Variants in SLC18B1 observed in about 807,000 individuals in gnomAD.
The protein encoded by SLC18B1 is solute carrier family 18 member B1.
SLC18B1 carries 62 observed loss-of-function variants against 53.9 expected under a neutral mutation model. That is an observed-to-expected ratio of 1.15 (90% CI 0.94 to 1.42). The LOEUF (loss-of-function observed/expected upper bound fraction) is 1.42. Among genes scored for constraint, SLC18B1 ranks in the 40% most tolerant of loss-of-function variants. The pLI, the probability that SLC18B1 is intolerant of heterozygous loss-of-function variation, is 0.00. For synonymous variants in SLC18B1, 217 were observed against 200.9 expected (o/e 1.08, Z -0.68); for missense variants, 598 against 547.3 (o/e 1.09, Z -0.93).
chr6:132,798,349 GC>G, intron 1 of SLC18B1, 64 bp downstream of exon 1: 2 of 1,467,752 alleles, frequency 1.4e-6, no homozygotes. Flanking sequence ...TTCAATCGTT[GC>G]TAAAGAGACA....
chr6:132,772,613 A>G (rs1460217592), intron 10 of SLC18B1, among the ~76,000 whole-genome samples: 4 of 152,172 alleles, frequency 2.6e-5, no homozygotes. Flanking sequence ...GTTCTTCATC[A>G]TCATGCCTAT....
chr6:132,775,682 G>GT lies in SLC18B1; in HGVS notation c.897+645dup, dbSNP rs531569896. 9.2e-5 allele frequency among the ~76,000 whole-genome samples: 14 copies of GT among 152,074 alleles called. No homozygotes were observed. The South Asian group carries it at 1.0e-3, about 11-fold the overall frequency. ...AACCTGGTTGAAAGAGAACAGAAGG[G>GT]TTTTTTTTGTTTTGTTTTGTTTTGC... On this transcript the variant is annotated intron_variant, in intron 8 of 13. Coordinates refer to ENST00000275227, the MANE Select transcript of SLC18B1 (RefSeq NM_052831.3).
intron 7 of SLC18B1, among the ~76,000 whole-genome samples, chr6:132,777,410 T>C (rs1435505466): frequency 6.6e-6 from 1 of 152,136 alleles, no homozygotes; most frequent in Non-Finnish European, 1.5e-5. Flanking sequence ...AAAAAAGATT[T>C]ATTATAAGAT....
chr6:132,779,345 TA>T lies in SLC18B1; in HGVS notation c.717del (p.Ile240Ter). ...CTGAGTGAGTTGATGACGAAGGCTA[TA>T]AGGCCAACTTTGGGTAAAGCGATCA... ...WKLIALPKVG[L>X]IAFVINSLSS... On this transcript the variant is annotated frameshift_variant, in exon 7 of 14. Coordinates refer to ENST00000275227, the MANE Select transcript of SLC18B1 (RefSeq NM_052831.3). LOFTEE classifies it high-confidence loss of function. The T allele has an allele frequency of 2.5e-6, 4 of 1,613,946 alleles. No individual in the cohort carries two copies. The highest frequency in any genetic ancestry group is 3.4e-6 in the Non-Finnish European group (4 of 1,179,948).
In SLC18B1 at chr6:132,789,839, T is replaced by C. The variant is rs1323482067; in HGVS notation, c.280-2A>G. ...AAATTTTGCTCCAATATGTACAAGC[T>C]ATAATAAATGTCAAAGAAGAGTGGT... On this transcript the variant is annotated splice_acceptor_variant, in intron 3 of 13. Transcript: ENST00000275227. LOFTEE classifies it high-confidence loss of function. The C allele has an allele frequency of 1.9e-6, 3 of 1,605,120 alleles. No homozygotes were observed. The highest frequency in any genetic ancestry group is 3.3e-5 in the Admixed American group (2 of 59,912).
At chr6:132,783,880 A>G in intron 6 of SLC18B1, 53 bp downstream of exon 6, 2 of 1,339,952 alleles carry the variant, frequency 1.5e-6, no homozygotes. Context: ...TCTCTTACAA[A>G]GGTATAAAAA....
At position 132,789,752 on chromosome 6, in the gene SLC18B1, A is replaced by G; in HGVS notation, c.353+12T>C. ...TGTTCAAGCTCCCAAATATAATCAG[A>G]AAATGACTTACCCAAAGAGAATTGT... On this transcript the variant is annotated intron_variant, in intron 4 of 13. Transcript: ENST00000275227. 1 of 1,595,984 alleles carries G rather than the reference A, an allele frequency of 6.3e-7. No homozygotes were observed.
chr6:132,798,456 TC>T lies in SLC18B1; in HGVS notation c.-1del. 6.6e-7 allele frequency: 1 copy of T among 1,519,212 alleles called. No individual in the cohort carries two copies. Among genetic ancestry groups the T allele is most frequent in the East Asian group, 2.6e-5 (1 of 38,370 alleles). The allele number at this position is 1,519,212 out of a possible 1,614,324, so 94.1% of individuals were successfully genotyped here. A position where few individuals can be genotyped will look rare whatever the true frequency, so the allele number is the denominator to read the frequency against. On this transcript the variant is annotated 5_prime_UTR_variant, in exon 1 of 14. Coordinates refer to ENST00000275227, the MANE Select transcript of SLC18B1 (RefSeq NM_052831.3). ...CCCTCCAGGTCACCCAGCGCCTCCA[TC>T]CCCGGTGCGTGGACTCCGGCGCCCC...
intron 2 of SLC18B1, among the ~76,000 whole-genome samples, chr6:132,793,078 G>A (rs1781590817): frequency 1.3e-5 from 2 of 152,180 alleles, no homozygotes; most frequent in African/African-American, 4.8e-5. Flanking sequence ...CTGAGACGAT[G>A]CCGCAGCACT....
chr6:132,783,388 C>T (rs1781286666), intron 6 of SLC18B1, among the ~76,000 whole-genome samples: 2 of 152,200 alleles, frequency 1.3e-5, no homozygotes, highest in African/African-American at 4.8e-5. Flanking sequence ...TGTTGGCAGG[C>T]TGGTCTTGAA....
Position 132,774,235 on chromosome 6 carries a change from A to G in SLC18B1, c.976T>C (p.Leu326=), listed in dbSNP as rs760993527. ...CYMLLGPVPI[L]HIKSQLWLLV... ...GAAAAAAATTACCTTTTAATATGCA[A>G]GATTGGGACAGGCCCTAAGAGCATG... Residue 326 remains leucine, a synonymous_variant, in exon 9 of 14, where the codon TTG becomes CTG. Coordinates refer to ENST00000275227, the MANE Select transcript of SLC18B1 (RefSeq NM_052831.3). 2 of 1,602,406 alleles carry G rather than the reference A, an allele frequency of 1.2e-6. No homozygotes were observed. Among genetic ancestry groups the G allele is most frequent in the East Asian group, 4.5e-5 (2 of 44,716 alleles).
intron 6 of SLC18B1, among the ~76,000 whole-genome samples, chr6:132,782,179 C>A (rs1289519010): frequency 2.1e-5 from 3 of 146,256 alleles, no homozygotes; most frequent in Non-Finnish European, 4.5e-5. Context: ...CAGAGTGAGA[C>A]TCTGTTTCAA....
chr6:132,797,584 A>C (rs1371707916), intron 1 of SLC18B1, among the ~76,000 whole-genome samples: 3 of 152,162 alleles, frequency 2.0e-5, no homozygotes, highest in African/African-American at 7.2e-5. Context: ...GGCTACAGAG[A>C]GAGACTCCGT....
intron 11 of SLC18B1, 27 bp downstream of exon 11, chr6:132,772,105 A>G (rs1306186799): frequency 7.2e-6 from 11 of 1,522,866 alleles, no homozygotes; most frequent in African/African-American, 1.4e-5. Flanking sequence ...AAAAAAAAAA[A>G]AAGAAAGAAA....
chr6:132,779,232 T>C, intron 7 of SLC18B1, 36 bp downstream of exon 7: 1 of 1,605,358 alleles, frequency 6.2e-7, no homozygotes. Context: ...ATCCACCTGC[T>C]ACAATGCAGC....
At chr6:132,788,453 AT>A (rs1781440070) in intron 4 of SLC18B1, among the ~76,000 whole-genome samples, 1 of 152,098 alleles carries the variant, frequency 6.6e-6, no homozygotes, top group Non-Finnish European at 1.5e-5. Flanking sequence ...TTGAGTCATA[AT>A]GACAGCTTAG....
chr6:132,784,077 T>C lies in SLC18B1; in HGVS notation c.514A>G (p.Thr172Ala), dbSNP rs778148426. The C allele has an allele frequency of 1.3e-6, 2 of 1,559,166 alleles. No individual in the cohort carries two copies. Among genetic ancestry groups the C allele is most frequent in the African/African-American group, 1.4e-5 (1 of 71,640 alleles). Residue 172 changes from threonine (T) to alanine (A), a missense_variant, in exon 6 of 14, where the codon ACT becomes GCT. Transcript: ENST00000275227. ...NVATVLGSLE[T>A]FSGLGLILGP... ...AGTATTAGCCCCAGTCCAGAAAAAG[T>C]CTCAAGACTTCCCTTAAAATGAGAA...
At chr6:132,776,485 TC>T in intron 7 of SLC18B1, 56 bp from the exon 8 acceptor site, 2 of 1,177,676 alleles carry the variant, frequency 1.7e-6, no homozygotes, top group Non-Finnish European at 2.5e-6. Context: ...TAAGTAAACA[TC>T]CCTCTTTTCC....
intron 2 of SLC18B1, among the ~76,000 whole-genome samples, chr6:132,795,975 G>T (rs1261234105): frequency 1.3e-5 from 2 of 152,232 alleles, no homozygotes; most frequent in East Asian, 3.8e-4. Flanking sequence ...CACTTTGGGA[G>T]GCCAAGGTAA....
Sources: allele counts gnomAD v4.1 joint callset (sites outside exome capture counted in the v4.1 genomes callset), GRCh38; gene constraint gnomAD v4.1.1; transcripts MANE v1.5; gene names NCBI Gene and HGNC (gene_info 2026-07-23, HGNC 2026-07-21).